Variants in PCDHGA12 observed in about 807,000 individuals in gnomAD.
PCDHGA12 encodes the protein protocadherin gamma-A12.
Under a neutral mutation model 61.1 loss-of-function variants are expected in PCDHGA12, and 43 were observed. The ratio of observed to expected loss-of-function variants is 0.70; its 90% CI spans 0.55 to 0.91. The LOEUF (loss-of-function observed/expected upper bound fraction) is 0.91, where lower values mean the gene tolerates loss of function less well. Among genes scored for constraint, PCDHGA12 ranks in the 40% least tolerant of loss-of-function variants. PCDHGA12 has a pLI of 0.00. For synonymous variants in PCDHGA12, 520 were observed against 542.9 expected (o/e 0.96, Z 0.59); for missense variants, 1,236 against 1,227.7 (o/e 1.01, Z -0.10).
At chr5:141,475,828 C>T (rs1319658902) in intron 1 of PCDHGA12, 1 of 387,614 alleles carries the variant, frequency 2.6e-6, no homozygotes, top group Admixed American at 4.3e-5. Context: ...GGCGCTAGCG[C>T]GTGTCCTGCT....
rs1463716042 is a variant in PCDHGA12 at position 141,511,338 on chromosome 5, T to C, written c.*165T>C. 42 of 1,429,834 alleles carry C rather than the reference T, an allele frequency of 2.9e-5. No homozygotes were observed. The highest frequency in any genetic ancestry group is 3.9e-5 in the Non-Finnish European group (42 of 1,075,502). 88.6% of individuals were successfully genotyped at this position (1,429,834 alleles called of 1,614,324 possible). A position where few individuals can be genotyped will look rare whatever the true frequency, so the allele number is the denominator to read the frequency against. On this transcript the variant is annotated 3_prime_UTR_variant, in exon 4 of 4. Coordinates refer to ENST00000252085, the MANE Select transcript of PCDHGA12 (RefSeq NM_003735.3). ...CAGAAACAAGTGCCCAGTCAGCACC[T>C]ACCCCTTCCCCCCCAGGGGGTTGAA... is the stretch of plus-strand genomic sequence containing the variant.
intron 1 of PCDHGA12, among the ~76,000 whole-genome samples, chr5:141,438,620 A>G (rs2098023964): frequency 1.0e-4 from 4 of 39,044 alleles, no homozygotes; most frequent in African/African-American, 8.0e-4. Flanking sequence ...ATATATATAT[A>G]TATATATATA....
rs70988802 is a variant in PCDHGA12 at position 141,450,006 on chromosome 5, C to CTA, written c.2424+16824_2424+16825insAT. ...CACATTGCATTTAGTTGCCATGTCT[C>CTA]TTTTTTTTTTTTTTTTTTGAGACAG... On this transcript the variant is annotated intron_variant, in intron 1 of 3. Coordinates refer to ENST00000252085, the MANE Select transcript of PCDHGA12 (RefSeq NM_003735.3). Among the ~76,000 whole-genome samples the CTA allele has an allele frequency of 6.0e-5, 8 of 132,986 alleles. 1 individual carries two copies. The highest frequency in any genetic ancestry group is 9.5e-5 in the Non-Finnish European group (6 of 62,926). The allele number at this position is 132,986 out of a possible 152,430, so 87.2% of individuals were successfully genotyped here. A position where few individuals can be genotyped will look rare whatever the true frequency, so the allele number is the denominator to read the frequency against.
rs750164473 is a variant in PCDHGA12 at position 141,432,286 on chromosome 5, C to G, written c.1527C>G (p.Ser509=). ...ASLSSYVSIN[S]DTGVLYALSS... is the part of the protein sequence containing the mutation. Reference sequence around the variant, plus strand: ...TATCGTCCTACGTGTCCATCAACTCCGACACTGGGGTACTGTATGCGCTGA... The same window carrying G: ...TATCGTCCTACGTGTCCATCAACTCGGACACTGGGGTACTGTATGCGCTGA... The change falls in exon 1 of 4, where the codon TCC becomes TCG. Residue 509 remains serine (S), a synonymous_variant. Transcript: ENST00000252085. This position sits in a 1 kb window ranked among gnomAD's most constrained non-coding sequence, Gnocchi z 6.0. The G allele has an allele frequency of 6.2e-7, 1 of 1,614,252 alleles. No homozygotes were observed. The highest frequency in any genetic ancestry group is 1.3e-5 in the African/African-American group (1 of 75,070).
In PCDHGA12 at chr5:141,490,584, T is replaced by C; in HGVS notation, c.2425-4223T>C. The stretch of plus-strand genomic sequence containing the variant: ...TCAGGCTCAACATTTCAGATGTCAA[T>C]GACAATGCACCCCGCTTCAACCAGC... On this transcript the variant is annotated intron_variant, in intron 1 of 3. Coordinates refer to ENST00000252085, the MANE Select transcript of PCDHGA12 (RefSeq NM_003735.3). The surrounding 1 kb of genome is among the most constrained non-coding windows in gnomAD (Gnocchi z 5.4). 6.2e-7 allele frequency: 1 copy of C among 1,614,170 alleles called. No individual in the cohort carries two copies. Among genetic ancestry groups the C allele is most frequent in the South Asian group, 1.1e-5 (1 of 91,080 alleles).
intron 1 of PCDHGA12, chr5:141,478,693 G>A: frequency 6.4e-7 from 1 of 1,550,764 alleles, no homozygotes; most frequent in Non-Finnish European, 8.7e-7. Context: ...CTAGATCAAA[G>A]TTAGTGCCTT....
intron 1 of PCDHGA12, among the ~76,000 whole-genome samples, chr5:141,449,281 G>A (rs1051064124): frequency 6.6e-6 from 1 of 151,946 alleles, no homozygotes; most frequent in Non-Finnish European, 1.5e-5. Context: ...TCCTTCACCC[G>A]GATGCACCGG....
At chr5:141,501,334 C>CA (rs2099808390) in intron 2 of PCDHGA12, among the ~76,000 whole-genome samples, 1 of 145,376 alleles carries the variant, frequency 6.9e-6, no homozygotes, top group Non-Finnish European at 1.5e-5. Flanking sequence ...CACACACACA[C>CA]CCCAAACTCA....
chr5:141,448,335 A>T (rs567377336), intron 1 of PCDHGA12, among the ~76,000 whole-genome samples: 1 of 152,108 alleles, frequency 6.6e-6, no homozygotes, highest in Non-Finnish European at 1.5e-5. Flanking sequence ...CTTTATAGCC[A>T]TGTACCTCAA....
chr5:141,472,980 C>CAAAAAAAAAAAAAAA (rs60579131), intron 1 of PCDHGA12, among the ~76,000 whole-genome samples: 13 of 86,076 alleles, frequency 1.5e-4, no homozygotes, highest in African/African-American at 1.9e-4. Context: ...GAGTGAAACT[C>CAAAAAAAAAAAAAAA]AAAAAAAAAA....
intron 1 of PCDHGA12, among the ~76,000 whole-genome samples, chr5:141,481,886 C>T (rs575190135): frequency 6.9e-6 from 1 of 145,360 alleles, no homozygotes; most frequent in South Asian, 2.2e-4. Context: ...TGCACTCCAG[C>T]CTGGGTGAAA....
intron 1 of PCDHGA12, among the ~76,000 whole-genome samples, chr5:141,468,064 C>T (rs1026571562): frequency 3.3e-5 from 5 of 152,076 alleles, no homozygotes; most frequent in Non-Finnish European, 7.4e-5. Flanking sequence ...GTGGCTCACA[C>T]CTGTAATCCC....
Position 141,447,603 on chromosome 5 carries a change from T to G in PCDHGA12, c.2424+14420T>G, listed in dbSNP as rs146950525. On this transcript the variant is annotated intron_variant, in intron 1 of 3. Transcript: ENST00000252085. ...ATACCTTAAACATCCTATAGAGTCC[T>G]TAGCATTTTAAAGTTGAAACCAACA... Among the ~76,000 whole-genome samples, 378 of 152,270 alleles carry G rather than the reference T, an allele frequency of 2.5e-3. 1 individual carries two copies. Among genetic ancestry groups the G allele is most frequent in the Non-Finnish European group, 4.5e-3 (309 of 68,030 alleles).
In PCDHGA12 at chr5:141,489,906, C is replaced by T. The variant is rs550717535; in HGVS notation, c.2425-4901C>T. On this transcript the variant is annotated intron_variant, in intron 1 of 3. Transcript: ENST00000252085. The surrounding 1 kb of genome is among the most constrained non-coding windows in gnomAD (Gnocchi z 4.5). ...CTGTGGATGGGGGGACCCCAGCCCG[C>T]TCAGGGACCACCCTTATCTCTGTCA... 4.5e-5 allele frequency: 72 copies of T among 1,614,234 alleles called. No individual in the cohort carries two copies. In the African/African-American group the frequency reaches 5.6e-4, roughly 13 times the overall value.
chr5:141,445,363 T>C (rs186841717), intron 1 of PCDHGA12, among the ~76,000 whole-genome samples: 9 of 152,284 alleles, frequency 5.9e-5, no homozygotes. Context: ...CCAAGTCTGG[T>C]CCTGGGTGGT....
In PCDHGA12 at chr5:141,489,835, C is replaced by G; in HGVS notation, c.2425-4972C>G. On this transcript the variant is annotated intron_variant, in intron 1 of 3. Transcript: ENST00000252085. This position sits in a 1 kb window ranked among gnomAD's most constrained non-coding sequence, Gnocchi z 4.5. Reference sequence around the variant, plus strand: ...ATTCCCAGAGCTGGTGCTAGAGCAGCAGCTGGATCGTGAAGCCCAGGCAAG... The same window carrying G: ...ATTCCCAGAGCTGGTGCTAGAGCAGGAGCTGGATCGTGAAGCCCAGGCAAG... The G allele has an allele frequency of 6.2e-7, 1 of 1,614,164 alleles. No homozygotes were observed. Among genetic ancestry groups the G allele is most frequent in the Non-Finnish European group, 8.5e-7 (1 of 1,179,972 alleles).
rs2099670287 is a variant in PCDHGA12, at chr5:141,487,983, TC to T, written c.2425-6822del. Among the ~76,000 whole-genome samples, 3 of 152,290 alleles carry T rather than the reference TC, an allele frequency of 2.0e-5. No individual in the cohort carries two copies. The South Asian group carries it at 6.2e-4, about 32-fold the overall frequency. ...CAAAGGTGGCTGTTTTCTCTACTCT[TC>T]CTGAAAGAGGGGATCAGATTCTGAA... On this transcript the variant is annotated intron_variant, in intron 1 of 3. Coordinates refer to ENST00000252085, the MANE Select transcript of PCDHGA12 (RefSeq NM_003735.3). This position sits in a 1 kb window ranked among gnomAD's most constrained non-coding sequence, Gnocchi z 5.0.
At position 141,477,112 on chromosome 5, in the gene PCDHGA12, A is replaced by C. The variant is rs745449028; in HGVS notation, c.2425-17695A>C. The C allele has an allele frequency of 2.5e-6, 4 of 1,614,262 alleles. No homozygotes were observed. The South Asian group carries it at 4.4e-5, about 18-fold the overall frequency. Reference sequence around the variant, plus strand: ...CCAAAGACAAGGGCGCCAATCCCGAAGGAGCACATTGCAAAGTGTTGGTGG... The same window carrying C: ...CCAAAGACAAGGGCGCCAATCCCGACGGAGCACATTGCAAAGTGTTGGTGG... On this transcript the variant is annotated intron_variant, in intron 1 of 3. Transcript: ENST00000252085. This position sits in a 1 kb window ranked among gnomAD's most constrained non-coding sequence, Gnocchi z 4.9.
At chr5:141,451,352 A>G (rs2098714151) in intron 1 of PCDHGA12, among the ~76,000 whole-genome samples, 1 of 152,232 alleles carries the variant, frequency 6.6e-6, no homozygotes, top group Non-Finnish European at 1.5e-5. Flanking sequence ...AAGGGTCAAC[A>G]GAGGATGGAT....
Sources: gnomAD v4.1 joint callset for allele counts (sites outside exome capture counted in the v4.1 genomes callset) on GRCh38, gnomAD v4.1.1 for gene constraint, Gnocchi (gnomAD v3.1) non-coding constraint, MANE v1.5 for transcripts, NCBI Gene and HGNC (gene_info 2026-07-23, HGNC 2026-07-21) for gene names.